SCGB2B2: variants seen among roughly 807,000 people sequenced by gnomAD.
The protein encoded by SCGB2B2 is secretoglobin family 2B member 2, also known as secretoglobin-like protein.
In SCGB2B2, 11 loss-of-function variants were observed where a neutral mutation model predicts 7.6. The observed-to-expected ratio is 1.45, with a 90% CI of 0.91 to 2.40. The LOEUF (loss-of-function observed/expected upper bound fraction) is 2.40. Among genes scored for constraint, SCGB2B2 ranks in the 30% most tolerant of loss-of-function variants. The pLI is 0.00. For synonymous variants in SCGB2B2, 50 were observed against 48.6 expected, an observed-to-expected ratio of 1.03 and a Z score of -0.12; for missense variants, 104 against 115.4, an observed-to-expected ratio of 0.90 and a Z score of 0.45.
intron 1 of SCGB2B2, among the ~76,000 whole-genome samples, chr19:34,642,291 T>C (rs2066864210): frequency 6.6e-6 from 1 of 152,206 alleles, no homozygotes; most frequent in Non-Finnish European, 1.5e-5. Context: ...GGAGAGCCCC[T>C]CCACCCTTGT....
At chr19:34,588,887 C>T (rs561798043), downstream of SCGB2B2, among the ~76,000 whole-genome samples, 2 of 118,776 alleles carry the variant, frequency 1.7e-5, no homozygotes, top group East Asian at 5.9e-4. Flanking sequence ...GTGTTGGAAC[C>T]ACCCTGGCAG....
intron 1 of SCGB2B2, among the ~76,000 whole-genome samples, chr19:34,617,202 T>G (rs528596219): frequency 6.6e-6 from 1 of 152,268 alleles, no homozygotes; most frequent in East Asian, 1.9e-4. Flanking sequence ...TTTAAAGTAG[T>G]TTTTTCCAAT....
downstream of SCGB2B2, among the ~76,000 whole-genome samples, chr19:34,588,708 C>G (rs2065234364): frequency 6.6e-6 from 1 of 152,162 alleles, no homozygotes; most frequent in African/African-American, 2.4e-5. Flanking sequence ...CCAACATGAC[C>G]CAGTGTCTAG....
chr19:34,629,584 GA>G (rs1303118878), intron 1 of SCGB2B2, among the ~76,000 whole-genome samples: 2 of 151,934 alleles, frequency 1.3e-5, no homozygotes, highest in African/African-American at 4.8e-5. Flanking sequence ...CCTCTTCAAG[GA>G]GAACTACAAA....
chr19:34,635,481 C>CTT, intron 1 of SCGB2B2: 1 of 281,862 alleles, frequency 3.5e-6, no homozygotes, highest in Non-Finnish European at 7.4e-6. Context: ...AAGATGGGAG[C>CTT]TTTTTCTGTA....
At chr19:34,657,378 T>A (rs979196673) in intron 1 of SCGB2B2, among the ~76,000 whole-genome samples, 1 of 151,000 alleles carries the variant, frequency 6.6e-6, no homozygotes. Flanking sequence ...AAGATGCACA[T>A]AGGCTCAAAA....
chr19:34,637,203 G>A (rs1031783118), intron 1 of SCGB2B2, among the ~76,000 whole-genome samples: 1 of 152,126 alleles, frequency 6.6e-6, no homozygotes, highest in African/African-American at 2.4e-5. Context: ...CTGCCAGGGC[G>A]AGGCCAAGCC....
At chr19:34,640,541 C>T (rs1414480243) in intron 1 of SCGB2B2, 2 of 152,088 alleles carry the variant, frequency 1.3e-5, no homozygotes, top group Non-Finnish European at 2.9e-5. Flanking sequence ...TCTTTAGATA[C>T]TTTTATCAAA....
chr19:34,666,434 A>C lies in SCGB2B2; in HGVS notation c.-2032+9196T>G, dbSNP rs565908465. 2.0e-5 allele frequency among the ~76,000 whole-genome samples: 3 copies of C among 152,262 alleles called. No homozygotes were observed. In the South Asian group the frequency reaches 6.2e-4, roughly 32 times the overall value. On this transcript the variant is annotated intron_variant, in intron 1 of 3. Transcript: ENST00000601241. ...AGCCTCTCGCCCCACATACAATGTG[A>C]CAGGCCACTGGGCCACCTGCGGGTC...
rs1330057408 is a variant in SCGB2B2, at chr19:34,618,794, A to T, written c.-2031-22200T>A. ...ATTTTTGGTGGAAAAGATGGTAAAC[A>T]AGCAATTTTAACCATGTATCAGATT... On this transcript the variant is annotated intron_variant, in intron 1 of 3. Transcript: ENST00000601241. Among the ~76,000 whole-genome samples, 4 of 152,356 alleles carry T rather than the reference A, an allele frequency of 2.6e-5. No individual in the cohort carries two copies. In the East Asian group the frequency reaches 7.7e-4, roughly 29 times the overall value.
intron 1 of SCGB2B2, among the ~76,000 whole-genome samples, chr19:34,643,607 C>T (rs1172412247): frequency 2.0e-5 from 3 of 152,104 alleles, no homozygotes; most frequent in Non-Finnish European, 2.9e-5. Flanking sequence ...GATAAATACT[C>T]CAAGCGATGG....
chr19:34,632,303 C>A (rs1218883181), intron 1 of SCGB2B2, among the ~76,000 whole-genome samples: 1 of 152,066 alleles, frequency 6.6e-6, no homozygotes, highest in Non-Finnish European at 1.5e-5. Context: ...ATAGGACAGA[C>A]TGTTAAGATG....
At chr19:34,648,941 C>T (rs559808203) in intron 1 of SCGB2B2, among the ~76,000 whole-genome samples, 46 of 152,036 alleles carry the variant, frequency 3.0e-4, no homozygotes, top group African/African-American at 1.0e-3. Context: ...CTTGCTTTGT[C>T]GCCCAGGCTG....
intron 1 of SCGB2B2, among the ~76,000 whole-genome samples, chr19:34,597,604 C>CAT (rs2065495941): frequency 6.6e-6 from 1 of 152,210 alleles, no homozygotes; most frequent in Non-Finnish European, 1.5e-5. Context: ...CTGGGCTATG[C>CAT]GCCTTGTGAC....
chr19:34,658,747 T>C (rs1247789218), intron 1 of SCGB2B2, among the ~76,000 whole-genome samples: 1 of 148,234 alleles, frequency 6.7e-6, no homozygotes, highest in Non-Finnish European at 1.5e-5. Context: ...CCTAACTCAG[T>C]TTATGAGGCC....
chr19:34,666,650 A>AC (rs1600071931), intron 1 of SCGB2B2, among the ~76,000 whole-genome samples: 1 of 151,952 alleles, frequency 6.6e-6, no homozygotes, highest in East Asian at 1.9e-4. Flanking sequence ...GAGTTTAAAG[A>AC]CCCCATCTCC....
chr19:34,592,969 G>C lies in SCGB2B2; in HGVS notation c.*586C>G, dbSNP rs2065337958. 6.6e-6 allele frequency among the ~76,000 whole-genome samples: 1 copy of C among 152,094 alleles called. No homozygotes were observed. The highest frequency in any genetic ancestry group is 1.5e-5 in the Non-Finnish European group (1 of 68,010). Reference sequence around the variant, plus strand: ...GGGGTAGAGGTAGGGGGAGAAAAAAGGACAGCTTGGGTAGGTAGGGATGGA... The same window carrying C: ...GGGGTAGAGGTAGGGGGAGAAAAAACGACAGCTTGGGTAGGTAGGGATGGA... On this transcript the variant is annotated 3_prime_UTR_variant, in exon 4 of 4. Coordinates refer to ENST00000601241, the MANE Select transcript of SCGB2B2 (RefSeq NM_001025591.4).
intron 1 of SCGB2B2, among the ~76,000 whole-genome samples, chr19:34,636,816 A>T (rs1277211783): frequency 6.6e-6 from 1 of 152,040 alleles, no homozygotes; most frequent in African/African-American, 2.4e-5. Context: ...GCCATCCCTC[A>T]CTTCCCACTT....
intron 1 of SCGB2B2, among the ~76,000 whole-genome samples, chr19:34,630,097 T>C (rs2066487751): frequency 6.6e-6 from 1 of 151,820 alleles, no homozygotes; most frequent in Non-Finnish European, 1.5e-5. Context: ...CCTTACACCT[T>C]AAACAAAAAT....
Sources: allele counts gnomAD v4.1 joint callset (sites outside exome capture counted in the v4.1 genomes callset), GRCh38; gene constraint gnomAD v4.1.1; transcripts MANE v1.5; gene names NCBI Gene and HGNC (gene_info 2026-07-23, HGNC 2026-07-21).